AOAH: variants seen among roughly 807,000 people sequenced by gnomAD.
AOAH encodes the protein acyloxyacyl hydrolase (neutrophil).
AOAH carries 64 observed loss-of-function variants against 92.2 expected under a neutral mutation model. The ratio of observed to expected loss-of-function variants is 0.69; its 90% CI spans 0.57 to 0.86. AOAH has a LOEUF of 0.86. Among genes scored for constraint, AOAH ranks in the 40% least tolerant of loss-of-function variants. The pLI, the probability that AOAH is intolerant of heterozygous loss-of-function variation, is 0.00. For missense variants in AOAH, 656 were observed against 694.6 expected (o/e 0.94, Z 0.62); for synonymous variants, 263 against 254.5 (o/e 1.03, Z -0.32).
chr7:36,527,106 T>C (rs1784437626), intron 19 of AOAH, among the ~76,000 whole-genome samples: 1 of 152,218 alleles, frequency 6.6e-6, no homozygotes, highest in South Asian at 2.1e-4. Context: ...GGAGGAAAAG[T>C]TGCTGCCTCT....
At chr7:36,517,895 C>G (rs1449668781) in intron 20 of AOAH, among the ~76,000 whole-genome samples, 1 of 151,514 alleles carries the variant, frequency 6.6e-6, no homozygotes, top group Non-Finnish European at 1.5e-5. Context: ...TCCACTACGC[C>G]TGGCCCTGAT....
chr7:36,534,998 TTGTG>T (rs150192150), intron 16 of AOAH, among the ~76,000 whole-genome samples: 13,760 of 140,386 alleles, frequency 0.098, 722 homozygotes, highest in East Asian at 0.16. Context: ...GTGTGTCTGC[TTGTG>T]TGTATCTGTG....
In AOAH at chr7:36,522,082, G is replaced by A. The variant is rs757372053; in HGVS notation, c.1556C>T (p.Pro519Leu). 1.9e-6 allele frequency: 3 copies of A among 1,614,054 alleles called. No homozygotes were observed. Among genetic ancestry groups the A allele is most frequent in the African/African-American group, 2.7e-5 (2 of 74,928 alleles). The change falls in exon 20 of 21, where the codon CCC becomes CTC. Residue 519 changes from proline (P) to leucine (L), a missense_variant. By Grantham distance (98) the Pro-to-Leu change is moderately conservative. Transcript: ENST00000617537. ...ATCCACGGGCTCGATGAGCTGCCAGGGCTGTCCGCCTCTCTTCTGCCACTC... is the reference window on the plus strand; with the variant it reads ...ATCCACGGGCTCGATGAGCTGCCAGAGCTGTCCGCCTCTCTTCTGCCACTC... ...IQEWQKRGGQ[P>L]WQLIEPVDGF...
intron 1 of AOAH, among the ~76,000 whole-genome samples, chr7:36,706,152 G>C (rs1051456460): frequency 5.9e-5 from 9 of 151,972 alleles, no homozygotes; most frequent in African/African-American, 1.9e-4. Context: ...CTGACACTTG[G>C]GAGCTAATTA....
At chr7:36,713,864 A>G (rs547377670) in intron 1 of AOAH, among the ~76,000 whole-genome samples, 2 of 152,346 alleles carry the variant, frequency 1.3e-5, no homozygotes, top group South Asian at 2.1e-4. Flanking sequence ...AATGCCCACA[A>G]GAGAAAGCAG....
In AOAH at chr7:36,630,845, G is replaced by T; in HGVS notation, c.521+1191C>A. Among the ~76,000 whole-genome samples the T allele has an allele frequency of 1.3e-5, 2 of 152,136 alleles. 1 individual carries two copies. Among genetic ancestry groups the T allele is most frequent in the East Asian group, 3.8e-4 (2 of 5,196 alleles). On this transcript the variant is annotated intron_variant, in intron 6 of 20. Transcript: ENST00000617537. ...AACACATGAGATCAAATGCACCTGG[G>T]GGTGTATCTTGGGTCCTCAGTGGCC...
At chr7:36,567,726 G>A (rs1787813789) in intron 13 of AOAH, among the ~76,000 whole-genome samples, 1 of 152,172 alleles carries the variant, frequency 6.6e-6, no homozygotes, top group African/African-American at 2.4e-5. Context: ...GGCCCGAATA[G>A]TGGTGTTTTT....
intron 13 of AOAH, among the ~76,000 whole-genome samples, chr7:36,551,486 C>T (rs1448160483): frequency 2.0e-5 from 3 of 152,082 alleles, no homozygotes; most frequent in Non-Finnish European, 4.4e-5. Flanking sequence ...CATTCCAAAC[C>T]GAAACTCAAA....
chr7:36,638,014 G>C, intron 4 of AOAH, 104 bp from the exon 5 acceptor site: 1 of 840,802 alleles, frequency 1.2e-6, no homozygotes, highest in Non-Finnish European at 1.9e-6. Flanking sequence ...TTCAATAAAT[G>C]AACCACTCCA....
intron 1 of AOAH, among the ~76,000 whole-genome samples, chr7:36,696,004 A>G (rs1344048792): frequency 6.6e-6 from 1 of 152,212 alleles, no homozygotes; most frequent in East Asian, 1.9e-4. Context: ...TTTTACATAT[A>G]GAATCCCATT....
At chr7:36,681,652 A>G (rs1457950541) in intron 2 of AOAH, among the ~76,000 whole-genome samples, 1 of 152,112 alleles carries the variant, frequency 6.6e-6, no homozygotes, top group African/African-American at 2.4e-5. Context: ...TAAAAATGCA[A>G]AAATTAGCCA....
chr7:36,588,585 T>C (rs1447512704), intron 12 of AOAH, among the ~76,000 whole-genome samples: 1 of 152,244 alleles, frequency 6.6e-6, no homozygotes, highest in Admixed American at 6.5e-5. Flanking sequence ...TACATGTCCT[T>C]TTTTGAAACA....
chr7:36,619,707 A>C (rs1455908279), intron 9 of AOAH, among the ~76,000 whole-genome samples: 2 of 152,214 alleles, frequency 1.3e-5, no homozygotes, highest in South Asian at 2.1e-4. Context: ...GAAAGCATGC[A>C]GTAGGTGACT....
chr7:36,582,072 C>T (rs1788968081), intron 12 of AOAH, among the ~76,000 whole-genome samples: 1 of 152,158 alleles, frequency 6.6e-6, no homozygotes, highest in Admixed American at 6.5e-5. Context: ...ATAGGACAAG[C>T]TGAGGCTACT....
intron 16 of AOAH, among the ~76,000 whole-genome samples, chr7:36,533,608 C>T (rs1754621174): frequency 6.6e-6 from 1 of 152,182 alleles, no homozygotes. Context: ...ATGGGTCCAA[C>T]ACTGAGCTTC....
chr7:36,598,879 AT>A (rs1338665296), intron 11 of AOAH, among the ~76,000 whole-genome samples: 2 of 152,236 alleles, frequency 1.3e-5, no homozygotes, highest in Non-Finnish European at 1.5e-5. Flanking sequence ...AGGAATGCAA[AT>A]TAAGATTTTC....
chr7:36,637,450 C>T (rs1041301261), intron 5 of AOAH, among the ~76,000 whole-genome samples: 18 of 152,138 alleles, frequency 1.2e-4, no homozygotes, highest in Non-Finnish European at 1.5e-4. Flanking sequence ...AGCAGCAGTT[C>T]TCAACTGGGG....
Position 36,560,085 on chromosome 7 carries a change from G to C in AOAH, c.1022-10610C>G, listed in dbSNP as rs1365127533. On this transcript the variant is annotated intron_variant, in intron 13 of 20. Transcript: ENST00000617537. ...TCTGGACTCTCTGTTCTGTACCATT[G>C]GTCTGTGTGTCTGTTTTTGAACCAG... Among the ~76,000 whole-genome samples, 5 of 152,186 alleles carry C rather than the reference G, an allele frequency of 3.3e-5. No individual in the cohort carries two copies. In the South Asian group the frequency reaches 1.0e-3, roughly 32 times the overall value.
At chr7:36,707,188 C>T (rs750883317) in intron 1 of AOAH, among the ~76,000 whole-genome samples, 7 of 151,732 alleles carry the variant, frequency 4.6e-5, no homozygotes, top group Non-Finnish European at 8.8e-5. Flanking sequence ...CAGTTAGAGG[C>T]CATTGTAGGG....
Sources: gnomAD v4.1 joint callset for allele counts (sites outside exome capture counted in the v4.1 genomes callset) on GRCh38, gnomAD v4.1.1 for gene constraint, MANE v1.5 for transcripts, NCBI Gene and HGNC (gene_info 2026-07-23, HGNC 2026-07-21) for gene names.